The following RMDN2 variants were observed in gnomAD, a reference collection of about 807,000 sequenced individuals.
RMDN2 encodes regulator of microtubule dynamics 2.
Under a neutral mutation model 52.8 loss-of-function variants are expected in RMDN2, and 61 were observed. That is an observed-to-expected ratio of 1.16 (90% confidence interval 0.94 to 1.43). The LOEUF (loss-of-function observed/expected upper bound fraction) is 1.43, where lower values mean the gene tolerates loss of function less well. RMDN2 is among the 40% of genes most tolerant of loss of function. The probability of loss-of-function intolerance (pLI) is 0.00; values close to 1 mark genes in which losing one functional copy is unlikely to be tolerated. For synonymous variants in RMDN2, 180 were observed against 153.1 expected (o/e 1.18, Z -1.30); for missense variants, 592 against 475.3 (o/e 1.25, Z -2.28).
chr2:38,012,519 TA>T, intron 10 of RMDN2: 1 of 438,352 alleles, frequency 2.3e-6, no homozygotes, highest in Non-Finnish European at 4.6e-6. Flanking sequence ...CTAATGAATG[TA>T]AGAAGGCTAG....
At chr2:37,926,575 G>A (rs1666297771) in intron 1 of RMDN2, among the ~76,000 whole-genome samples, 1 of 140,914 alleles carries the variant, frequency 7.1e-6, no homozygotes. Context: ...TTTAAAATCT[G>A]TTTGGTAAAG....
downstream of RMDN2, among the ~76,000 whole-genome samples, chr2:38,020,368 C>T (rs887321077): frequency 1.3e-5 from 2 of 152,186 alleles, no homozygotes; most frequent in Admixed American, 6.5e-5. Flanking sequence ...TGGCAGCCCT[C>T]GCTCGCTCTC....
At chr2:38,022,503 C>T (rs1679467284), downstream of RMDN2, among the ~76,000 whole-genome samples, 2 of 152,216 alleles carry the variant, frequency 1.3e-5, no homozygotes, top group African/African-American at 4.8e-5. Flanking sequence ...CTGCTAACTT[C>T]TCAAGAGACT....
At chr2:37,957,544 G>T (rs1669640261) in intron 2 of RMDN2, among the ~76,000 whole-genome samples, 1 of 152,026 alleles carries the variant, frequency 6.6e-6, no homozygotes, top group South Asian at 2.1e-4. Context: ...CTTGATATTA[G>T]CCCTTTGTCA....
chr2:37,938,473 C>T (rs1183170460), intron 2 of RMDN2, among the ~76,000 whole-genome samples: 1 of 152,178 alleles, frequency 6.6e-6, no homozygotes. Context: ...AGGAATGGTA[C>T]CGCTCCACTT....
chr2:38,043,110 A>C (rs915764846), intron 10 of RMDN2, among the ~76,000 whole-genome samples: 2 of 152,148 alleles, frequency 1.3e-5, no homozygotes, highest in African/African-American at 4.8e-5. Context: ...CAGCTATAAG[A>C]GTGGATTTGT....
intron 10 of RMDN2, 126 bp downstream of exon 10, chr2:38,004,342 T>C: frequency 1.5e-6 from 1 of 662,174 alleles, no homozygotes; most frequent in Non-Finnish European, 2.6e-6. Context: ...ATTTTTATTC[T>C]ACCTTTATTG....
intron 7 of RMDN2, 101 bp from the exon 8 acceptor site, chr2:37,997,315 C>A: frequency 1.3e-6 from 1 of 752,848 alleles, no homozygotes; most frequent in Non-Finnish European, 2.4e-6. Flanking sequence ...TATACACACA[C>A]ACACGTATAT....
intron 2 of RMDN2, among the ~76,000 whole-genome samples, chr2:37,963,678 T>C (rs917113681): frequency 6.6e-5 from 10 of 152,240 alleles, no homozygotes; most frequent in African/African-American, 2.4e-4. Context: ...AGAATCTTTC[T>C]TAGTACAGAA....
intron 10 of RMDN2, among the ~76,000 whole-genome samples, chr2:38,010,212 G>T (rs911342699): frequency 1.3e-5 from 2 of 152,290 alleles, no homozygotes; most frequent in Admixed American, 6.5e-5. Context: ...GCTGCGTGCT[G>T]GGAGAACCAC....
chr2:37,966,939 A>T (rs1671133299), intron 2 of RMDN2, among the ~76,000 whole-genome samples: 2 of 152,204 alleles, frequency 1.3e-5, no homozygotes, highest in African/African-American at 4.8e-5. Context: ...ATTTTACTAA[A>T]ATTGAAGCAA....
chr2:38,057,005 G>C (rs1210244164), intron 10 of RMDN2, among the ~76,000 whole-genome samples: 1 of 152,142 alleles, frequency 6.6e-6, no homozygotes, highest in Non-Finnish European at 1.5e-5. Flanking sequence ...AGCTTTGTGG[G>C]TTCATGACTC....
At chr2:37,950,296 G>A (rs1668614686) in intron 2 of RMDN2, 1 of 598,774 alleles carries the variant, frequency 1.7e-6, no homozygotes, top group Non-Finnish European at 2.9e-6. Flanking sequence ...CCCACCCCTG[G>A]ATTTGTTGGA....
At chr2:38,057,387 G>A (rs1016745669) in intron 10 of RMDN2, among the ~76,000 whole-genome samples, 1 of 152,188 alleles carries the variant, frequency 6.6e-6, no homozygotes, top group Non-Finnish European at 1.5e-5. Context: ...AAATGTTCAT[G>A]TGTCATAAAA....
chr2:38,008,056 C>A (rs1038771031), intron 10 of RMDN2, among the ~76,000 whole-genome samples: 1 of 152,192 alleles, frequency 6.6e-6, no homozygotes, highest in African/African-American at 2.4e-5. Context: ...TTTGATTGCA[C>A]TGTAGTCTGA....
downstream of RMDN2, among the ~76,000 whole-genome samples, chr2:38,017,949 T>TA (rs1216269732): frequency 5.3e-5 from 8 of 149,868 alleles, no homozygotes; most frequent in African/African-American, 2.0e-4. Context: ...AGGGTGGGGG[T>TA]AACAAGGTGC....
chr2:38,010,677 G>C (rs139332535), intron 10 of RMDN2, among the ~76,000 whole-genome samples: 1 of 152,140 alleles, frequency 6.6e-6, no homozygotes, highest in Non-Finnish European at 1.5e-5. Context: ...GCAATGTCTT[G>C]CCCAGCTTCG....
chr2:38,025,531 C>T (rs767815934), intron 10 of RMDN2, among the ~76,000 whole-genome samples: 7 of 151,968 alleles, frequency 4.6e-5, no homozygotes, highest in East Asian at 1.9e-4. Flanking sequence ...AGAGGGCAAG[C>T]GTTCTTATTT....
chr2:38,018,507 C>A (rs2125252684), downstream of RMDN2, among the ~76,000 whole-genome samples: 1 of 152,196 alleles, frequency 6.6e-6, no homozygotes, highest in Admixed American at 6.5e-5. Context: ...GCTAGCCACA[C>A]TGAAATATAA....
Sources: allele counts gnomAD v4.1 joint callset (sites outside exome capture counted in the v4.1 genomes callset), GRCh38; gene constraint gnomAD v4.1.1; transcripts MANE v1.5; gene names NCBI Gene and HGNC (gene_info 2026-07-23, HGNC 2026-07-21).